The following MYPN variants were observed in gnomAD, a reference collection of about 807,000 sequenced individuals.
The protein encoded by MYPN is myopalladin, also known as sarcomeric protein myopalladin, 145 kDa (MYOP).
A neutral mutation model predicts 129.4 loss-of-function variants in MYPN; 63 were observed. The ratio of observed to expected loss-of-function variants is 0.49; its 90% CI spans 0.40 to 0.60. The LOEUF (loss-of-function observed/expected upper bound fraction) is 0.60, where lower values mean the gene tolerates loss of function less well. MYPN is among the 20% of genes least tolerant of loss of function. The probability of loss-of-function intolerance (pLI) is 0.00; values close to 1 mark genes in which losing one functional copy is unlikely to be tolerated. For synonymous variants in MYPN, 629 were observed against 600.9 expected (o/e 1.05, Z -0.68); for missense variants, 1,596 against 1,635.4 (o/e 0.98, Z 0.42).
At chr10:68,091,715 G>C (rs1281778421) in intron 1 of MYPN, among the ~76,000 whole-genome samples, 1 of 150,726 alleles carries the variant, frequency 6.6e-6, no homozygotes, top group Non-Finnish European at 1.5e-5. Context: ...GCCCAAATTT[G>C]CTCGTTTTTT....
intron 13 of MYPN, among the ~76,000 whole-genome samples, 174 bp downstream of exon 13, chr10:68,189,300 T>A (rs61857180): frequency 6.6e-6 from 1 of 152,222 alleles, no homozygotes; most frequent in South Asian, 2.1e-4. Flanking sequence ...GTATACAATG[T>A]GTAATGATCA....
chr10:68,127,824 C>A (rs2042350127), intron 2 of MYPN, among the ~76,000 whole-genome samples: 1 of 152,132 alleles, frequency 6.6e-6, no homozygotes, highest in South Asian at 2.1e-4. Flanking sequence ...AGTAATGAGA[C>A]ATTTTGGTTT....
At chr10:68,194,340 A>T in intron 13 of MYPN, 23 bp from the exon 14 acceptor site, 3 of 1,611,878 alleles carry the variant, frequency 1.9e-6, no homozygotes, top group Non-Finnish European at 2.5e-6. Context: ...AACAGTGTAC[A>T]TCTTGATAAT....
At chr10:68,110,713 C>T (rs866248737) in intron 1 of MYPN, among the ~76,000 whole-genome samples, 8 of 152,138 alleles carry the variant, frequency 5.3e-5, no homozygotes, top group Non-Finnish European at 1.0e-4. Flanking sequence ...AATTCATAAT[C>T]CTTTTCTAGG....
chr10:68,209,805 G>A (rs568545747), intron 19 of MYPN, among the ~76,000 whole-genome samples: 19 of 150,740 alleles, frequency 1.3e-4, no homozygotes, highest in South Asian at 4.2e-4. Context: ...AGTGATTCTC[G>A]TGCCTCAGCA....
At position 68,203,967 on chromosome 10, in the gene MYPN, G is replaced by A. The variant is rs144780890; in HGVS notation, c.3659+1973G>A. On this transcript the variant is annotated intron_variant, in intron 18 of 19. Transcript: ENST00000358913. ...CATTCCTTCTTTGGGAACTCTCTTC[G>A]CCTTCTTCTCTACCTCCACGCTGCA... Among the ~76,000 whole-genome samples the A allele has an allele frequency of 9.9e-3, 1,501 of 152,066 alleles. 15 individuals are homozygous for A. Among genetic ancestry groups the A allele is most frequent in the Non-Finnish European group, 0.015 (1,023 of 68,006 alleles).
chr10:68,092,243 C>T (rs954394358), intron 1 of MYPN, among the ~76,000 whole-genome samples: 5 of 152,016 alleles, frequency 3.3e-5, no homozygotes. Context: ...GTAATCCCAG[C>T]ACTTTGGGAG....
chr10:68,165,902 T>C (rs1367290902), intron 9 of MYPN, 84 bp downstream of exon 9: 2 of 1,139,850 alleles, frequency 1.8e-6, no homozygotes, highest in African/African-American at 3.0e-5. Flanking sequence ...TCCTTCCTGT[T>C]TTTCATACAA....
chr10:68,205,733 G>T (rs1268022382), intron 18 of MYPN, among the ~76,000 whole-genome samples: 3 of 152,008 alleles, frequency 2.0e-5, no homozygotes, highest in Non-Finnish European at 4.4e-5. Context: ...TACACCCTCA[G>T]CACCCAAGGC....
intron 19 of MYPN, 152 bp downstream of exon 19, chr10:68,207,055 C>T (rs1026707321): frequency 9.9e-6 from 9 of 912,070 alleles, no homozygotes; most frequent in Non-Finnish European, 1.5e-5. Context: ...GTCAGGAGTT[C>T]AAGACCAGCC....
Position 68,142,958 on chromosome 10 carries a change from G to A in MYPN, c.921G>A (p.Lys307=). The part of the protein sequence containing the change: ...PPQVRWYCEG[K]ELENSPDIHI... ...CCTGCAGGTGGTACTGTGAAGGCAA[G>A]GAGCTTGAAAATTCCCCAGATATTC... Residue 307 remains lysine (K), a synonymous_variant, in exon 3 of 20, where the codon AAG becomes AAA. Coordinates refer to ENST00000358913, the MANE Select transcript of MYPN (RefSeq NM_032578.4). The A allele has an allele frequency of 6.2e-7, 1 of 1,614,126 alleles. No homozygotes were observed. The highest frequency in any genetic ancestry group is 8.5e-7 in the Non-Finnish European group (1 of 1,180,002).
rs1351991317 is a variant in MYPN, at chr10:68,174,330, T to G, written c.2238T>G (p.Thr746=). The change falls in exon 11 of 20, where the codon ACT becomes ACG. Residue 746 remains threonine, a synonymous_variant. Transcript: ENST00000358913. ...TVAPSSSPVF[T]LSSTPQTIQR... ...CCCCTTCCAGCTCTCCGGTGTTCAC[T>G]TTGAGCAGCACTCCTCAAACTATTC... 1 of 1,614,128 alleles carries G rather than the reference T, an allele frequency of 6.2e-7. No individual in the cohort carries two copies. Among genetic ancestry groups the G allele is most frequent in the African/African-American group, 1.3e-5 (1 of 75,026 alleles).
intron 8 of MYPN, among the ~76,000 whole-genome samples, chr10:68,164,273 G>A (rs1026537475): frequency 1.3e-5 from 2 of 152,252 alleles, no homozygotes; most frequent in Non-Finnish European, 2.9e-5. Flanking sequence ...AGAAGGGCAA[G>A]AGAGCAAATG....
chr10:68,119,826 T>C (rs1292979899), intron 1 of MYPN, among the ~76,000 whole-genome samples: 1 of 152,224 alleles, frequency 6.6e-6, no homozygotes, highest in East Asian at 1.9e-4. Flanking sequence ...AATATTTTAC[T>C]GTGGATGGTC....
At position 68,199,508 on chromosome 10, in the gene MYPN, G is replaced by T. The variant is rs533208811; in HGVS notation, c.3426G>T (p.Gly1142=). The stretch of plus-strand genomic sequence containing the variant: ...ACCCACTCACTCAGCGCGACGCAGG[G>T]ACCTATAAGTGCATCGCTACCAACA... The part of the protein sequence containing the change: ...LIDPLTQRDA[G]TYKCIATNKT... The change falls in exon 17 of 20, where the codon GGG becomes GGT. Residue 1142 remains glycine, a synonymous_variant. Transcript: ENST00000358913. 2 of 1,614,106 alleles carry T rather than the reference G, an allele frequency of 1.2e-6. No individual in the cohort carries two copies. Among genetic ancestry groups the T allele is most frequent in the African/African-American group, 1.3e-5 (1 of 75,022 alleles).
chr10:68,126,891 T>C (rs531027468), intron 2 of MYPN, among the ~76,000 whole-genome samples: 2 of 152,338 alleles, frequency 1.3e-5, no homozygotes, highest in South Asian at 4.1e-4. Context: ...CCCTGGACAC[T>C]GAGAAAAGCC....
At chr10:68,123,350 G>A (rs1035003794) in intron 2 of MYPN, among the ~76,000 whole-genome samples, 3 of 151,704 alleles carry the variant, frequency 2.0e-5, no homozygotes, top group African/African-American at 7.3e-5. Flanking sequence ...CTGCACTCCA[G>A]CCTGGGCTAC....
At chr10:68,207,319 T>C (rs1014390063) in intron 19 of MYPN, among the ~76,000 whole-genome samples, 4 of 152,186 alleles carry the variant, frequency 2.6e-5, no homozygotes, top group Admixed American at 2.6e-4. Context: ...GGGTAGACTA[T>C]ACTATATTTT....
intron 18 of MYPN, among the ~76,000 whole-genome samples, chr10:68,202,645 C>A (rs1211146375): frequency 6.6e-6 from 1 of 152,110 alleles, no homozygotes; most frequent in African/African-American, 2.4e-5. Context: ...AAACTGGGTA[C>A]GTTGCTTAAT....
Sources: gnomAD v4.1 joint callset for allele counts (sites outside exome capture counted in the v4.1 genomes callset) on GRCh38, gnomAD v4.1.1 for gene constraint, MANE v1.5 for transcripts, NCBI Gene and HGNC (gene_info 2026-07-23, HGNC 2026-07-21) for gene names.